MYRFL: variants seen among roughly 807,000 people sequenced by gnomAD.
MYRFL encodes myelin regulatory factor like.
MYRFL carries 88 observed loss-of-function variants against 109.4 expected under a neutral mutation model. The observed-to-expected ratio is 0.80, with a 90% CI of 0.68 to 0.96. MYRFL has a LOEUF of 0.96. Among genes scored for constraint, MYRFL ranks in the 40% least tolerant of loss-of-function variants. The probability of loss-of-function intolerance (pLI) is 0.00; values close to 1 mark genes in which losing one functional copy is unlikely to be tolerated. For missense variants in MYRFL, 957 were observed against 954.9 expected, an observed-to-expected ratio of 1.00 and a Z score of -0.03; for synonymous variants, 324 against 320.9, an observed-to-expected ratio of 1.01 and a Z score of -0.10.
chr12:69,845,664 A>G (rs1030093214), intron 1 of MYRFL, among the ~76,000 whole-genome samples: 3 of 152,142 alleles, frequency 2.0e-5, no homozygotes, highest in African/African-American at 7.2e-5. Context: ...CAGAACTATT[A>G]TGTATTTAAA....
chr12:69,890,836 A>C, intron 6 of MYRFL, 135 bp from the exon 7 acceptor site: 4 of 570,836 alleles, frequency 7.0e-6, no homozygotes, highest in Non-Finnish European at 1.1e-5. Context: ...AATTCAAGAA[A>C]TCAATTGATT....
intron 19 of MYRFL, among the ~76,000 whole-genome samples, chr12:69,944,599 G>T (rs548740501): frequency 6.6e-6 from 1 of 151,420 alleles, no homozygotes; most frequent in Non-Finnish European, 1.5e-5. Context: ...ACGAGTTAGT[G>T]GGTGCAGCAC....
chr12:69,925,311 G>A (rs927722219), intron 13 of MYRFL, among the ~76,000 whole-genome samples: 1 of 152,192 alleles, frequency 6.6e-6, no homozygotes, highest in African/African-American at 2.4e-5. Flanking sequence ...TGTATCATGA[G>A]ATACATCTGT....
At position 69,917,144 on chromosome 12, in the gene MYRFL, C is replaced by T. The variant is rs555805192; in HGVS notation, c.1602+6214C>T. 2.6e-5 allele frequency among the ~76,000 whole-genome samples: 4 copies of T among 152,272 alleles called. No homozygotes were observed. In the East Asian group the frequency reaches 7.7e-4, roughly 29 times the overall value. On this transcript the variant is annotated intron_variant, in intron 13 of 24. Transcript: ENST00000552032. ...TTTGGGCCTTAGAGCAGTGCCGAGGCCTTCCTTAACCACCCCATATAAAAT... is the reference window on the plus strand; with the variant it reads ...TTTGGGCCTTAGAGCAGTGCCGAGGTCTTCCTTAACCACCCCATATAAAAT...
intron 2 of MYRFL, among the ~76,000 whole-genome samples, chr12:69,869,446 T>C (rs17107189): frequency 0.055 from 8,387 of 152,236 alleles, 786 homozygotes; most frequent in African/African-American, 0.19. Context: ...AGTCACTCAG[T>C]AAGATGAAGA....
At chr12:69,841,416 G>C (rs12369425) in intron 1 of MYRFL, among the ~76,000 whole-genome samples, 16,371 of 152,222 alleles carry the variant, frequency 0.11, 1,205 homozygotes, top group Middle Eastern at 0.18. Flanking sequence ...TCTAGTTTTA[G>C]GGGAAGGGAA....
Position 69,845,767 on chromosome 12 carries a change from A to G in MYRFL, c.47-9513A>G, listed in dbSNP as rs184615859. 1.5e-3 allele frequency among the ~76,000 whole-genome samples: 216 copies of G among 144,462 alleles called. 4 individuals carry two copies. Among genetic ancestry groups the G allele is most frequent in the African/African-American group, 4.9e-3 (190 of 38,614 alleles). 94.8% of individuals were successfully genotyped at this position (144,462 alleles called of 152,430 possible). A position where few individuals can be genotyped will look rare whatever the true frequency, so the allele number is the denominator to read the frequency against. ...TTTAATAAGATGAAAGAAAAACTTT[A>G]TGACTTTCCACTGTTGGGAAAAGCG... On this transcript the variant is annotated intron_variant, in intron 1 of 24. Transcript: ENST00000552032.
chr12:69,898,483 C>T (rs575262406), intron 10 of MYRFL, among the ~76,000 whole-genome samples: 4 of 152,296 alleles, frequency 2.6e-5, no homozygotes, highest in South Asian at 2.1e-4. Flanking sequence ...CTCCTTGCGT[C>T]ATAAGCCAAT....
chr12:69,912,362 ATGT>A (rs1954597562), intron 13 of MYRFL, among the ~76,000 whole-genome samples: 2 of 152,216 alleles, frequency 1.3e-5, no homozygotes, highest in Non-Finnish European at 2.9e-5. Flanking sequence ...CAAGTCATTG[ATGT>A]TTGATACGTT....
intron 10 of MYRFL, among the ~76,000 whole-genome samples, chr12:69,897,615 G>A (rs746586188): frequency 6.6e-6 from 1 of 152,204 alleles, no homozygotes; most frequent in Non-Finnish European, 1.5e-5. Context: ...TAGGCACTGA[G>A]CTAAACAATT....
intron 1 of MYRFL, among the ~76,000 whole-genome samples, chr12:69,828,252 G>A (rs1466134891): frequency 6.6e-6 from 1 of 152,020 alleles, no homozygotes; most frequent in African/African-American, 2.4e-5. Context: ...GTAAATTGCA[G>A]GTAACTGATA....
At chr12:69,839,425 A>G (rs886568670) in intron 1 of MYRFL, among the ~76,000 whole-genome samples, 5 of 152,216 alleles carry the variant, frequency 3.3e-5, no homozygotes, top group African/African-American at 1.2e-4. Flanking sequence ...ATAATTTAAC[A>G]TGTCTTAAAT....
chr12:69,939,387 G>C (rs1238227017), intron 19 of MYRFL, among the ~76,000 whole-genome samples: 2 of 152,196 alleles, frequency 1.3e-5, no homozygotes, highest in Admixed American at 6.5e-5. Flanking sequence ...CCTGACCCCT[G>C]ACCCCCGAGC....
intron 23 of MYRFL, 66 bp from the exon 24 acceptor site, chr12:69,958,183 C>A: frequency 7.3e-7 from 1 of 1,364,048 alleles, no homozygotes; most frequent in Non-Finnish European, 1.0e-6. Flanking sequence ...CTTTTTCAGC[C>A]TGTACTCTTT....
Position 69,870,839 on chromosome 12 carries a change from G to C in MYRFL, c.138-8189G>C, listed in dbSNP as rs542876004. On this transcript the variant is annotated intron_variant, in intron 2 of 24. Transcript: ENST00000552032. Reference sequence around the variant, plus strand: ...CTTAAAACCACCAACACATATTCCTGTCACTCAACGCAGGGACTTTTGGTT... The same window carrying C: ...CTTAAAACCACCAACACATATTCCTCTCACTCAACGCAGGGACTTTTGGTT... Among the ~76,000 whole-genome samples the C allele has an allele frequency of 2.5e-3, 379 of 152,290 alleles. 5 individuals carry two copies. Among genetic ancestry groups the C allele is most frequent in the African/African-American group, 7.7e-3 (321 of 41,568 alleles).
chr12:69,952,326 C>A, intron 20 of MYRFL, 151 bp downstream of exon 20: 1 of 660,764 alleles, frequency 1.5e-6, no homozygotes, highest in Non-Finnish European at 2.6e-6. Context: ...ATAATCGATG[C>A]CACCCTAACC....
chr12:69,915,593 T>C (rs962691781), intron 13 of MYRFL, among the ~76,000 whole-genome samples: 1 of 152,182 alleles, frequency 6.6e-6, no homozygotes, highest in Non-Finnish European at 1.5e-5. Context: ...TTCTCCCTTC[T>C]CAGGACAGAT....
intron 9 of MYRFL, among the ~76,000 whole-genome samples, chr12:69,896,010 C>T (rs1953980827): frequency 6.6e-6 from 1 of 152,154 alleles, no homozygotes; most frequent in Non-Finnish European, 1.5e-5. Flanking sequence ...GGGGATGGGG[C>T]TTAGCAATTT....
rs373872141 is a variant in MYRFL at position 69,939,878 on chromosome 12, G to A, written c.2224+3246G>A. 2.6e-3 allele frequency among the ~76,000 whole-genome samples: 395 copies of A among 151,406 alleles called. 3 individuals are homozygous for A. The highest frequency in any genetic ancestry group is 8.6e-3 in the African/African-American group (353 of 41,224). ...CTGATGGAGCTGAAAACCAAGGTTC[G>A]AGAACTACGTGAAGAATGCAGAAGC... On this transcript the variant is annotated intron_variant, in intron 19 of 24. Transcript: ENST00000552032.
Sources: allele counts gnomAD v4.1 joint callset (sites outside exome capture counted in the v4.1 genomes callset), GRCh38; gene constraint gnomAD v4.1.1; transcripts MANE v1.5; gene names NCBI Gene and HGNC (gene_info 2026-07-23, HGNC 2026-07-21).